The following KCNT2 variants were observed in gnomAD, a reference collection of about 807,000 sequenced individuals.
KCNT2 encodes the protein potassium channel subfamily T member 2.
In KCNT2, 67 loss-of-function variants were observed where a neutral mutation model predicts 153.8. The observed-to-expected ratio is 0.44, with a 90% CI of 0.36 to 0.53. KCNT2 has a LOEUF of 0.53. KCNT2 is among the 20% of genes least tolerant of loss of function. The probability of loss-of-function intolerance (pLI) is 0.00; values close to 1 mark genes in which losing one functional copy is unlikely to be tolerated. For synonymous variants in KCNT2, 500 were observed against 458.8 expected (o/e 1.09, Z -1.15); for missense variants, 975 against 1,354.8 (o/e 0.72, Z 4.40).
At chr1:196,576,957 C>CAT (rs1173324597) in intron 1 of KCNT2, among the ~76,000 whole-genome samples, 2 of 152,128 alleles carry the variant, frequency 1.3e-5, no homozygotes, top group Non-Finnish European at 2.9e-5. Flanking sequence ...TCGATTTTTC[C>CAT]ATATTTGCAT....
At chr1:196,593,828 G>T (rs553257954) in intron 1 of KCNT2, among the ~76,000 whole-genome samples, 7 of 152,026 alleles carry the variant, frequency 4.6e-5, no homozygotes, top group African/African-American at 1.7e-4. Context: ...CTTAGAACAC[G>T]TTGTTTAGAT....
chr1:196,300,936 T>C (rs1374883275), intron 22 of KCNT2, among the ~76,000 whole-genome samples: 3 of 152,052 alleles, frequency 2.0e-5, no homozygotes, highest in Non-Finnish European at 2.9e-5. Flanking sequence ...CTCCCCACCG[T>C]CCTACAACCT....
At chr1:196,592,184 A>T (rs1399107902) in intron 1 of KCNT2, among the ~76,000 whole-genome samples, 1 of 150,060 alleles carries the variant, frequency 6.7e-6, no homozygotes, top group African/African-American at 2.5e-5. Flanking sequence ...ATTCAGCCAT[A>T]AAAAAAAATG....
chr1:196,510,411 A>G (rs1483850397), intron 1 of KCNT2, among the ~76,000 whole-genome samples: 2 of 152,046 alleles, frequency 1.3e-5, no homozygotes, highest in Non-Finnish European at 2.9e-5. Flanking sequence ...CTAAGCCTGG[A>G]GCCCACACAA....
intron 8 of KCNT2, among the ~76,000 whole-genome samples, chr1:196,430,906 T>G (rs550849933): frequency 6.6e-6 from 1 of 152,242 alleles, no homozygotes; most frequent in East Asian, 1.9e-4. Flanking sequence ...TGAATGCTTG[T>G]GTCCCCTCCA....
chr1:196,356,315 A>G (rs1176556325), intron 14 of KCNT2, among the ~76,000 whole-genome samples: 1 of 151,780 alleles, frequency 6.6e-6, no homozygotes, highest in Non-Finnish European at 1.5e-5. Flanking sequence ...GTAATTGTCT[A>G]TTAATCAGAC....
chr1:196,305,465 G>T (rs1007078179), intron 21 of KCNT2, 120 bp from the exon 22 acceptor site: 4 of 588,390 alleles, frequency 6.8e-6, no homozygotes, highest in Non-Finnish European at 1.2e-5. Flanking sequence ...AATTACAACA[G>T]CAGGCAGTGC....
chr1:196,592,514 ATATT>A (rs956909706), intron 1 of KCNT2, among the ~76,000 whole-genome samples: 6 of 147,572 alleles, frequency 4.1e-5, no homozygotes, highest in African/African-American at 1.2e-4. Context: ...ATATATAAAT[ATATT>A]AATATATAAC....
intron 1 of KCNT2, among the ~76,000 whole-genome samples, chr1:196,592,682 T>C (rs961643949): frequency 1.5e-5 from 2 of 135,248 alleles, no homozygotes; most frequent in Non-Finnish European, 3.2e-5. Flanking sequence ...CATATATGTA[T>C]CTGATTATAT....
chr1:196,493,327 CT>C (rs1680000094), intron 1 of KCNT2, among the ~76,000 whole-genome samples: 1 of 120,716 alleles, frequency 8.3e-6, no homozygotes, highest in African/African-American at 3.3e-5. Flanking sequence ...GTTTGGGGGT[CT>C]TTTTTTTGGG....
At chr1:196,571,660 A>G (rs1189337248) in intron 1 of KCNT2, among the ~76,000 whole-genome samples, 2 of 152,080 alleles carry the variant, frequency 1.3e-5, no homozygotes, top group Non-Finnish European at 2.9e-5. Context: ...TGCATATCAA[A>G]CTAGAGTCCA....
chr1:196,502,439 A>G (rs1037249136), intron 1 of KCNT2, among the ~76,000 whole-genome samples: 1 of 152,206 alleles, frequency 6.6e-6, no homozygotes, highest in African/African-American at 2.4e-5. Flanking sequence ...TCACACACAT[A>G]GAGACACGTA....
intron 1 of KCNT2, among the ~76,000 whole-genome samples, chr1:196,568,253 G>C (rs940870833): frequency 6.6e-6 from 1 of 152,026 alleles, no homozygotes; most frequent in African/African-American, 2.4e-5. Context: ...TCGCAACCTA[G>C]ATCCCTTGTA....
intron 25 of KCNT2, among the ~76,000 whole-genome samples, chr1:196,260,270 A>C (rs1366203578): frequency 6.6e-6 from 1 of 151,914 alleles, no homozygotes; most frequent in African/African-American, 2.4e-5. Flanking sequence ...CTTATAATTC[A>C]AGTCACAAAA....
chr1:196,530,910 A>G (rs985518262), intron 1 of KCNT2, among the ~76,000 whole-genome samples: 6 of 152,030 alleles, frequency 3.9e-5, no homozygotes, highest in Non-Finnish European at 8.8e-5. Context: ...ACATCATATC[A>G]TTTTCCTAAC....
chr1:196,491,157 T>G (rs1424408412), intron 2 of KCNT2, among the ~76,000 whole-genome samples: 1 of 151,994 alleles, frequency 6.6e-6, no homozygotes, highest in East Asian at 1.9e-4. Flanking sequence ...ATCCACCTTT[T>G]TTGGCCTGGA....
At chr1:196,409,473 C>A (rs1199003411) in intron 12 of KCNT2, among the ~76,000 whole-genome samples, 2 of 151,238 alleles carry the variant, frequency 1.3e-5, no homozygotes, top group Non-Finnish European at 3.0e-5. Context: ...TGTTATAAAT[C>A]CCACAATAAT....
At chr1:196,432,227 G>C (rs1246035445) in intron 8 of KCNT2, among the ~76,000 whole-genome samples, 1 of 152,138 alleles carries the variant, frequency 6.6e-6, no homozygotes, top group Non-Finnish European at 1.5e-5. Flanking sequence ...AGCTGTGAAG[G>C]CATGGTGACC....
At chr1:196,382,267 T>C (rs1375518457) in intron 13 of KCNT2, among the ~76,000 whole-genome samples, 1 of 131,566 alleles carries the variant, frequency 7.6e-6, no homozygotes, top group African/African-American at 2.6e-5. Context: ...CCCGGCTATT[T>C]TTTATTTTTT....
Sources: allele counts gnomAD v4.1 joint callset (sites outside exome capture counted in the v4.1 genomes callset), GRCh38; gene constraint gnomAD v4.1.1; transcripts MANE v1.5; gene names NCBI Gene and HGNC (gene_info 2026-07-23, HGNC 2026-07-21).